The following TRMT6 variants were observed in gnomAD, a reference collection of about 807,000 sequenced individuals.
The protein encoded by TRMT6 is tRNA (adenine(58)-N(1))-methyltransferase non-catalytic subunit TRM6.
A neutral mutation model predicts 59.0 loss-of-function variants in TRMT6; 34 were observed. The ratio of observed to expected loss-of-function variants is 0.58; its 90% CI spans 0.44 to 0.77. The LOEUF is 0.77. Among genes scored for constraint, TRMT6 ranks in the 30% least tolerant of loss-of-function variants. The pLI is 0.00. For synonymous variants in TRMT6, 217 were observed against 210.5 expected (o/e 1.03, Z -0.27); for missense variants, 575 against 604.5 (o/e 0.95, Z 0.51).
At chr20:5,945,014 G>T in intron 2 of TRMT6, 100 bp from the exon 3 acceptor site, 2 of 901,970 alleles carry the variant, frequency 2.2e-6, no homozygotes, top group Non-Finnish European at 3.5e-6. Context: ...AGCCACTCAA[G>T]TCTGGCCTCC....
Position 5,945,647 on chromosome 20 carries a change from T to C in TRMT6, c.257-733A>G, listed in dbSNP as rs1284191440. On this transcript the variant is annotated intron_variant, in intron 2 of 10. Coordinates refer to ENST00000203001, the MANE Select transcript of TRMT6 (RefSeq NM_015939.5). ...ATTATACCTGGCATATATTTGGTGC[T>C]TAGTAAAAATATGGATATTAATTTA... 4.6e-5 allele frequency among the ~76,000 whole-genome samples: 7 copies of C among 152,354 alleles called. No homozygotes were observed. The East Asian group carries it at 5.8e-4, about 13-fold the overall frequency.
rs1485989292 is a variant in TRMT6 at position 5,950,503 on chromosome 20, C to G, written c.-98G>C. 7.3e-7 allele frequency: 1 copy of G among 1,370,316 alleles called. No individual in the cohort carries two copies. The highest frequency in any genetic ancestry group is 2.7e-5 in the East Asian group (1 of 36,908). 84.9% of individuals were successfully genotyped at this position (1,370,316 alleles called of 1,614,324 possible). ...TTCCCACAACCTGGCGCACTAGGAG[C>G]CCTCCGACCGGCACCGCCCCCACGT... On this transcript the variant is annotated 5_prime_UTR_variant, in exon 1 of 11. Coordinates refer to ENST00000203001, the MANE Select transcript of TRMT6 (RefSeq NM_015939.5).
At chr20:5,945,106 G>T (rs1002243875) in intron 2 of TRMT6, among the ~76,000 whole-genome samples, 192 bp from the exon 3 acceptor site, 2 of 152,070 alleles carry the variant, frequency 1.3e-5, no homozygotes, top group African/African-American at 4.8e-5. Context: ...TCCCAGTCTT[G>T]CCCCCCTACT....
chr20:5,942,284 T>C (rs1214882473), intron 7 of TRMT6, 144 bp downstream of exon 7: 13 of 820,046 alleles, frequency 1.6e-5, no homozygotes, highest in Non-Finnish European at 1.8e-5. Context: ...CACGTTTGTA[T>C]ACATGTACAC....
rs1007837621 is a variant in TRMT6 at position 5,937,338 on chromosome 20, G to A, written c.*1197C>T. On this transcript the variant is annotated 3_prime_UTR_variant, in exon 11 of 11. Transcript: ENST00000203001. The stretch of plus-strand genomic sequence containing the variant: ...TATTTGGAAAAAAAATTTTTTTTCT[G>A]AGATGTTCCTTGCTGTATGATACAG... 6.6e-6 allele frequency: 1 copy of A among 152,136 alleles called. No homozygotes were observed. Among genetic ancestry groups the A allele is most frequent in the Admixed American group, 6.5e-5 (1 of 15,280 alleles). The allele number at this position is 152,136 out of a possible 1,614,324, so 9.4% of individuals were successfully genotyped here. A position where few individuals can be genotyped will look rare whatever the true frequency, so the allele number is the denominator to read the frequency against.
chr20:5,939,486 GAAAAA>G, intron 10 of TRMT6, among the ~76,000 whole-genome samples: 1 of 79,018 alleles, frequency 1.3e-5, no homozygotes, highest in African/African-American at 4.1e-5. Flanking sequence ...TCTCAAAAAT[GAAAAA>G]AAAAAAAAAA....
intron 1 of TRMT6, among the ~76,000 whole-genome samples, chr20:5,948,608 G>A (rs1485862858): frequency 6.6e-6 from 1 of 152,130 alleles, no homozygotes. Flanking sequence ...GGGAGGCTGA[G>A]GTGGCCGGAA....
chr20:5,950,178 G>A (rs917863610), intron 1 of TRMT6, 100 bp downstream of exon 1: 29 of 1,342,844 alleles, frequency 2.2e-5, no homozygotes, highest in African/African-American at 3.0e-5. Context: ...AGAGAGCCAA[G>A]AATGGCACCC....
Position 5,942,520 on chromosome 20 carries a change from T to A in TRMT6, c.934A>T (p.Ser312Cys), listed in dbSNP as rs763712918. 1.9e-6 allele frequency: 3 copies of A among 1,614,104 alleles called. No homozygotes were observed. In the South Asian group the frequency reaches 3.3e-5, roughly 18 times the overall value. ...GTTTCCTGGTCTTCTGGGTGGTTGCTCTCTGGGGCCTCTGCCATGCTGTCT... is the reference window on the plus strand; with the variant it reads ...GTTTCCTGGTCTTCTGGGTGGTTGCACTCTGGGGCCTCTGCCATGCTGTCT... ...NEDSMAEAPE[S>C]NHPEDQETME... Residue 312 changes from serine (S) to cysteine (C), a missense_variant, in exon 7 of 11, where the codon AGC becomes TGC. By Grantham distance (112) the Ser-to-Cys change is moderately radical (BLOSUM62 -1). Transcript: ENST00000203001.
In TRMT6 at chr20:5,939,637, T is replaced by G. The variant is rs77780650; in HGVS notation, c.1303-911A>C. 3.5e-3 allele frequency among the ~76,000 whole-genome samples: 526 copies of G among 152,260 alleles called. 3 individuals are homozygous for G. Among genetic ancestry groups the G allele is most frequent in the African/African-American group, 0.012 (496 of 41,542 alleles). On this transcript the variant is annotated intron_variant, in intron 10 of 10. Coordinates refer to ENST00000203001, the MANE Select transcript of TRMT6 (RefSeq NM_015939.5). ...TGCATATAGCTTTCTTTCTCCTGGC[T>G]TCAGGAAGCTTCATGGCCAATAATG...
At position 5,942,726 on chromosome 20, in the gene TRMT6, C is replaced by T. The variant is rs1220055129; in HGVS notation, c.728G>A (p.Cys243Tyr). 1 of 1,613,974 alleles carries T rather than the reference C, an allele frequency of 6.2e-7. No individual in the cohort carries two copies. Among genetic ancestry groups the T allele is most frequent in the Non-Finnish European group, 8.5e-7 (1 of 1,180,012 alleles). The stretch of plus-strand genomic sequence containing the variant: ...GAGAAAAGATTTGGGAAATCCAAAA[C>T]ATGCTGTTGCTGCCCGAACAGGTCC... ...GGGPVRAATA[C>Y]FGFPKSFLSG... Residue 243 changes from cysteine (C) to tyrosine (Y), a missense_variant, in exon 7 of 11, where the codon TGT (cysteine) becomes TAT (tyrosine). Coordinates refer to ENST00000203001, the MANE Select transcript of TRMT6 (RefSeq NM_015939.5).
intron 8 of TRMT6, 26 bp downstream of exon 8, chr20:5,941,925 T>C (rs746958774): frequency 5.0e-6 from 8 of 1,595,794 alleles, no homozygotes; most frequent in Middle Eastern, 3.3e-4. Flanking sequence ...CACTGAGGAG[T>C]CTCCTGCCTT....
Position 5,943,935 on chromosome 20 carries a change from A to C in TRMT6, c.542+13T>G. On this transcript the variant is annotated intron_variant, in intron 5 of 10. Coordinates refer to ENST00000203001, the MANE Select transcript of TRMT6 (RefSeq NM_015939.5). ...TTCCCCCAATTATACTTTTGAAAGG[A>C]AACAAAGCGTACTTAATTTTTCCAG... is the stretch of plus-strand genomic sequence containing the variant. The C allele has an allele frequency of 6.3e-7, 1 of 1,596,820 alleles. No individual in the cohort carries two copies. The highest frequency in any genetic ancestry group is 8.5e-7 in the Non-Finnish European group (1 of 1,175,414).
intron 2 of TRMT6, among the ~76,000 whole-genome samples, chr20:5,945,519 A>G (rs1290168882): frequency 6.6e-6 from 1 of 152,194 alleles, no homozygotes; most frequent in Non-Finnish European, 1.5e-5. Context: ...ACCATCAGAA[A>G]TCATGCTGTT....
At chr20:5,943,746 T>C (rs2088680181) in intron 5 of TRMT6, 63 bp from the exon 6 acceptor site, 1 of 1,566,500 alleles carries the variant, frequency 6.4e-7, no homozygotes, top group South Asian at 1.2e-5. Context: ...TTAATCATCA[T>C]TTTTCAAGTT....
At chr20:5,948,099 G>T (rs1195799429) in intron 1 of TRMT6, among the ~76,000 whole-genome samples, 2 of 152,094 alleles carry the variant, frequency 1.3e-5, no homozygotes, top group African/African-American at 4.8e-5. Flanking sequence ...TAGCCTGGGG[G>T]ACCGAGTGAG....
At chr20:5,944,722 T>C (rs2088690188) in intron 3 of TRMT6, 83 bp downstream of exon 3, 3 of 976,494 alleles carry the variant, frequency 3.1e-6, no homozygotes, top group Non-Finnish European at 4.8e-6. Context: ...TGTTTTACCT[T>C]AGGTACAGTC....
At chr20:5,940,066 C>CT (rs2088642904) in intron 10 of TRMT6, among the ~76,000 whole-genome samples, 3 of 152,212 alleles carry the variant, frequency 2.0e-5, no homozygotes, top group African/African-American at 7.2e-5. Context: ...CTGCTTAACA[C>CT]AGGGCTCCTT....
intron 10 of TRMT6, among the ~76,000 whole-genome samples, chr20:5,939,583 G>A (rs1423360773): frequency 6.6e-6 from 1 of 152,058 alleles, no homozygotes; most frequent in Admixed American, 6.5e-5. Context: ...CGGAGAATGG[G>A]TAATGGTCTT....
Sources: allele counts gnomAD v4.1 joint callset (sites outside exome capture counted in the v4.1 genomes callset), GRCh38; gene constraint gnomAD v4.1.1; transcripts MANE v1.5; gene names NCBI Gene and HGNC (gene_info 2026-07-23, HGNC 2026-07-21).